The following AOAH variants were observed in gnomAD, a reference collection of about 807,000 sequenced individuals.
The protein encoded by AOAH is acyloxyacyl hydrolase (neutrophil).
Under a neutral mutation model 92.2 loss-of-function variants are expected in AOAH, and 64 were observed. That is an observed-to-expected ratio of 0.69 (90% CI 0.57 to 0.86). The LOEUF (loss-of-function observed/expected upper bound fraction) is 0.86. AOAH is among the 40% of genes least tolerant of loss of function. The probability of loss-of-function intolerance (pLI) is 0.00; values close to 1 mark genes in which losing one functional copy is unlikely to be tolerated. For synonymous variants in AOAH, 263 were observed against 254.5 expected, an observed-to-expected ratio of 1.03 and a Z score of -0.32; for missense variants, 656 against 694.6, an observed-to-expected ratio of 0.94 and a Z score of 0.62.
At position 36,540,491 on chromosome 7, in the gene AOAH, C is replaced by A. The variant is rs866563358; in HGVS notation, c.1134G>T (p.Gly378=). 6.2e-7 allele frequency: 1 copy of A among 1,602,260 alleles called. No individual in the cohort carries two copies. Among genetic ancestry groups the A allele is most frequent in the Non-Finnish European group, 8.5e-7 (1 of 1,174,854 alleles). ...YAMIGNDVCS[G]KSDPVPAMTT... is the part of the protein sequence containing the mutation. ...TCATGGCTGGGACTGGGTCACTCTT[C>A]CTGTTGGTGGAATAAACAGAAAATA... Residue 378 remains glycine (G), a splice_region_variant and synonymous_variant, in exon 16 of 21, where the codon GGG becomes GGT. Coordinates refer to ENST00000617537, the MANE Select transcript of AOAH (RefSeq NM_001637.4).
At position 36,654,214 on chromosome 7, in the gene AOAH, G is replaced by A. The variant is rs182025352; in HGVS notation, c.390+4952C>T. ...CGGTAAAAATAAACTCCCAAGATAC[G>A]TAACACAAAACCACCTGGGTGGTCT... is the stretch of plus-strand genomic sequence containing the variant. On this transcript the variant is annotated intron_variant, in intron 4 of 20. Coordinates refer to ENST00000617537, the MANE Select transcript of AOAH (RefSeq NM_001637.4). Among the ~76,000 whole-genome samples, 5 of 151,314 alleles carry A rather than the reference G, an allele frequency of 3.3e-5. No individual in the cohort carries two copies. In the East Asian group the frequency reaches 5.9e-4, roughly 18 times the overall value.
intron 16 of AOAH, among the ~76,000 whole-genome samples, chr7:36,534,848 ATCTGTGTGTCTTCATGTGTG>A (rs1195135660): frequency 2.0e-5 from 3 of 151,654 alleles, no homozygotes; most frequent in African/African-American, 7.3e-5. Context: ...GTCTATGTGT[ATCTGTGTGTCTTCATGTGTG>A]TCTGTGTGTC....
chr7:36,686,858 G>C (rs1421397332), intron 1 of AOAH, 64 bp from the exon 2 acceptor site: 1 of 1,096,126 alleles, frequency 9.1e-7, no homozygotes, highest in Non-Finnish European at 1.3e-6. Flanking sequence ...AGGGACAGGA[G>C]AAAGAAAGGA....
intron 12 of AOAH, among the ~76,000 whole-genome samples, chr7:36,589,718 C>T (rs1466169506): frequency 6.6e-6 from 1 of 152,194 alleles, no homozygotes; most frequent in Admixed American, 6.5e-5. Context: ...ACTGAAAATA[C>T]AGACTTCCTT....
Position 36,716,816 on chromosome 7 carries a change from C to T in AOAH, c.127+7206G>A, listed in dbSNP as rs567118811. On this transcript the variant is annotated intron_variant, in intron 1 of 20. Transcript: ENST00000617537. ...GGAAGGGGAACATCACACACCGGGG[C>T]CTGTTGTGGGGTGGAGGGAGCGGGG... Among the ~76,000 whole-genome samples, 24 of 151,634 alleles carry T rather than the reference C, an allele frequency of 1.6e-4. No individual in the cohort carries two copies. The South Asian group carries it at 5.0e-3, about 32-fold the overall frequency.
chr7:36,609,092 G>A (rs985449005), intron 11 of AOAH, among the ~76,000 whole-genome samples: 2 of 152,108 alleles, frequency 1.3e-5, no homozygotes, highest in Non-Finnish European at 2.9e-5. Flanking sequence ...ACCCCAACCC[G>A]GTGAGTCATC....
At chr7:36,686,824 G>C in intron 1 of AOAH, 30 bp from the exon 2 acceptor site, 1 of 1,435,424 alleles carries the variant, frequency 7.0e-7, no homozygotes, top group Non-Finnish European at 9.4e-7. Flanking sequence ...CATGTAATCT[G>C]TGTCACACAG....
At position 36,659,233 on chromosome 7, in the gene AOAH, C is replaced by T. The variant is rs1795060843; in HGVS notation, c.323G>A (p.Cys108Tyr). The change falls in exon 4 of 21, where the codon TGT becomes TAT. Residue 108 changes from cysteine to tyrosine, a missense_variant. Coordinates refer to ENST00000617537, the MANE Select transcript of AOAH (RefSeq NM_001637.4). ...LSADMNADVV[C>Y]HTLEFCKQNT... ...CTGTTTACAAAACTCCAGAGTGTGA[C>T]ATACCACATCAGCATTCATATCTGC... 1.2e-6 allele frequency: 2 copies of T among 1,614,094 alleles called. No homozygotes were observed. The highest frequency in any genetic ancestry group is 8.5e-7 in the Non-Finnish European group (1 of 1,179,958).
intron 12 of AOAH, among the ~76,000 whole-genome samples, chr7:36,586,604 T>G (rs933900126): frequency 6.6e-6 from 1 of 152,200 alleles, no homozygotes; most frequent in Admixed American, 6.5e-5. Context: ...CTTTTTATAC[T>G]TACTCCTTAG....
At chr7:36,569,572 T>TATCTATCC (rs1787975332) in intron 13 of AOAH, among the ~76,000 whole-genome samples, 1 of 51,334 alleles carries the variant, frequency 1.9e-5, no homozygotes, top group South Asian at 7.5e-4. Flanking sequence ...TTTACATATC[T>TATCTATCC]ATCTATCTAT....
At position 36,530,522 on chromosome 7, in the gene AOAH, G is replaced by C. The variant is rs773284175; in HGVS notation, c.1426-8C>G. On this transcript the variant is annotated splice_polypyrimidine_tract_variant and splice_region_variant and intron_variant, in intron 18 of 20. Transcript: ENST00000617537. ...GGAGAGTTGCTCTGCTCTCTGAAGA[G>C]AGAGGAAACAGGGAGAATTTCATGA... 39 of 1,589,258 alleles carry C rather than the reference G, an allele frequency of 2.5e-5. No homozygotes were observed. In the African/African-American group the frequency reaches 5.1e-4, roughly 21 times the overall value.
intron 12 of AOAH, among the ~76,000 whole-genome samples, chr7:36,586,948 T>C (rs1262733090): frequency 6.6e-6 from 1 of 152,120 alleles, no homozygotes; most frequent in East Asian, 1.9e-4. Flanking sequence ...ATTCAGTCTG[T>C]TACGATGTTT....
intron 12 of AOAH, 89 bp downstream of exon 12, chr7:36,594,250 C>T (rs185698513): frequency 4.9e-6 from 5 of 1,017,608 alleles, no homozygotes; most frequent in African/African-American, 1.6e-5. Context: ...TAATAATTCG[C>T]ATTTCAACAT....
chr7:36,612,581 T>C lies in AOAH; in HGVS notation c.846+3799A>G, dbSNP rs535735299. Among the ~76,000 whole-genome samples the C allele has an allele frequency of 3.5e-4, 54 of 152,340 alleles. 2 individuals are homozygous for C. In the South Asian group the frequency reaches 0.011, roughly 30 times the overall value. On this transcript the variant is annotated intron_variant, in intron 11 of 20. Coordinates refer to ENST00000617537, the MANE Select transcript of AOAH (RefSeq NM_001637.4). The stretch of plus-strand genomic sequence containing the variant: ...AAATTTGCAGATGTGAAATTACAGA[T>C]GTGAAATTTGCAGATGTGAAATTTT...
intron 20 of AOAH, among the ~76,000 whole-genome samples, chr7:36,521,444 G>A (rs972166360): frequency 4.6e-5 from 7 of 152,180 alleles, no homozygotes; most frequent in Admixed American, 1.3e-4. Flanking sequence ...GAGTGGAGCC[G>A]GGAGGGGACA....
At chr7:36,585,883 T>C (rs1021725325) in intron 12 of AOAH, among the ~76,000 whole-genome samples, 24 of 152,180 alleles carry the variant, frequency 1.6e-4, no homozygotes, top group African/African-American at 5.8e-4. Flanking sequence ...TTTATACACA[T>C]TAATTTTTTT....
chr7:36,623,329 TTC>T (rs1026253730), intron 6 of AOAH, 79 bp from the exon 7 acceptor site: 6 of 1,258,336 alleles, frequency 4.8e-6, no homozygotes, highest in Non-Finnish European at 5.7e-6. Flanking sequence ...GAGAGACATT[TTC>T]TGATACAGCT....
At chr7:36,543,738 A>G (rs1166910765) in intron 15 of AOAH, among the ~76,000 whole-genome samples, 1 of 152,160 alleles carries the variant, frequency 6.6e-6, no homozygotes, top group Non-Finnish European at 1.5e-5. Context: ...CTAATGGAAC[A>G]TTCTCCAGTT....
intron 20 of AOAH, among the ~76,000 whole-genome samples, chr7:36,520,048 G>T (rs1562857139): frequency 6.6e-6 from 1 of 152,154 alleles, no homozygotes; most frequent in African/African-American, 2.4e-5. Flanking sequence ...TTTATCACTG[G>T]CTACCAGCAT....
Sources: gnomAD v4.1 joint callset for allele counts (sites outside exome capture counted in the v4.1 genomes callset) on GRCh38, gnomAD v4.1.1 for gene constraint, MANE v1.5 for transcripts, NCBI Gene and HGNC (gene_info 2026-07-23, HGNC 2026-07-21) for gene names.